PRKRIP1: variants seen among roughly 807,000 people sequenced by gnomAD.
PRKRIP1 encodes PRKR-interacting protein 1.
PRKRIP1 carries 29 observed loss-of-function variants against 29.3 expected under a neutral mutation model. The ratio of observed to expected loss-of-function variants is 0.99; its 90% CI spans 0.74 to 1.35. PRKRIP1 has a LOEUF of 1.35. Among genes scored for constraint, PRKRIP1 ranks in the 40% most tolerant of loss-of-function variants. The probability of loss-of-function intolerance (pLI) is 0.00; values close to 1 mark genes in which losing one functional copy is unlikely to be tolerated. For synonymous variants in PRKRIP1, 90 were observed against 85.1 expected, an observed-to-expected ratio of 1.06 and a Z score of -0.32; for missense variants, 247 against 236.8, an observed-to-expected ratio of 1.04 and a Z score of -0.28.
At chr7:102,405,882 G>A (rs782773615) in intron 4 of PRKRIP1, 6 of 306,556 alleles carry the variant, frequency 2.0e-5, no homozygotes, top group Non-Finnish European at 3.3e-5. Flanking sequence ...TTTCTATAAC[G>A]TAAAAATCCA....
chr7:102,410,417 CAG>C (rs1265483839), intron 5 of PRKRIP1, among the ~76,000 whole-genome samples: 1 of 152,156 alleles, frequency 6.6e-6, no homozygotes, highest in African/African-American at 2.4e-5. Flanking sequence ...AATACTGAGT[CAG>C]AGCAACTAAA....
chr7:102,401,617 C>T (rs1196117763), intron 3 of PRKRIP1, among the ~76,000 whole-genome samples: 7 of 152,218 alleles, frequency 4.6e-5, no homozygotes, highest in African/African-American at 1.7e-4. Context: ...CCTATAATCC[C>T]AGCTACTCGG....
intron 5 of PRKRIP1, among the ~76,000 whole-genome samples, chr7:102,420,998 C>T (rs1796679222): frequency 6.6e-6 from 1 of 152,152 alleles, no homozygotes; most frequent in African/African-American, 2.4e-5. Flanking sequence ...CCCACGATGC[C>T]CCACACGGTG....
At chr7:102,417,620 CTTTTTTTTT>C (rs1276644958) in intron 5 of PRKRIP1, among the ~76,000 whole-genome samples, 1 of 127,408 alleles carries the variant, frequency 7.8e-6, no homozygotes, top group Non-Finnish European at 1.7e-5. Context: ...TTGTGGGTAC[CTTTTTTTTT>C]TTTTTTTTTT....
intron 5 of PRKRIP1, among the ~76,000 whole-genome samples, chr7:102,424,328 C>T (rs1339971651): frequency 2.6e-5 from 4 of 152,370 alleles, no homozygotes; most frequent in East Asian, 3.9e-4. Flanking sequence ...ACCGTGCCTG[C>T]GGCCGGCGTC....
At chr7:102,420,105 C>A (rs1300162142) in intron 5 of PRKRIP1, among the ~76,000 whole-genome samples, 1 of 152,106 alleles carries the variant, frequency 6.6e-6, no homozygotes, top group Non-Finnish European at 1.5e-5. Context: ...AGGCTGGTCT[C>A]GAACTCGTGA....
chr7:102,423,734 G>A (rs782769506), intron 5 of PRKRIP1, among the ~76,000 whole-genome samples: 3 of 150,318 alleles, frequency 2.0e-5, no homozygotes, highest in Non-Finnish European at 3.0e-5. Flanking sequence ...CCAGGCTGCC[G>A]TGCAGTAGCA....
chr7:102,410,389 G>A (rs782617727), intron 5 of PRKRIP1, among the ~76,000 whole-genome samples: 10 of 152,158 alleles, frequency 6.6e-5, no homozygotes, highest in South Asian at 2.1e-4. Context: ...TGCTGTTCAC[G>A]TTGAGTGAGC....
intron 5 of PRKRIP1, 57 bp from the exon 6 acceptor site, chr7:102,424,957 C>A: frequency 1.3e-6 from 2 of 1,551,052 alleles, no homozygotes; most frequent in Non-Finnish European, 8.7e-7. Context: ...TCTTTGAAAG[C>A]ACCCTTGACC....
chr7:102,417,434 C>A (rs1796584314), intron 5 of PRKRIP1, among the ~76,000 whole-genome samples: 1 of 152,038 alleles, frequency 6.6e-6, no homozygotes, highest in South Asian at 2.1e-4. Flanking sequence ...TTTCTTCTTT[C>A]CATGTATTTA....
chr7:102,408,709 T>G (rs533895634), intron 5 of PRKRIP1, among the ~76,000 whole-genome samples: 3 of 152,254 alleles, frequency 2.0e-5, no homozygotes, highest in Non-Finnish European at 4.4e-5. Flanking sequence ...AGACTTTCAT[T>G]GACGTATTAA....
At chr7:102,417,435 C>T (rs1420655933) in intron 5 of PRKRIP1, among the ~76,000 whole-genome samples, 9 of 151,988 alleles carry the variant, frequency 5.9e-5, no homozygotes, top group Admixed American at 5.9e-4. Flanking sequence ...TTCTTCTTTC[C>T]ATGTATTTAT....
At chr7:102,421,716 G>A (rs1347899344) in intron 5 of PRKRIP1, among the ~76,000 whole-genome samples, 1 of 151,884 alleles carries the variant, frequency 6.6e-6, no homozygotes, top group African/African-American at 2.4e-5. Flanking sequence ...AGAATTGCTT[G>A]AACCCAGGAG....
chr7:102,406,419 G>T (rs372150310), intron 4 of PRKRIP1, among the ~76,000 whole-genome samples: 1 of 152,134 alleles, frequency 6.6e-6, no homozygotes, highest in Non-Finnish European at 1.5e-5. Context: ...TTGTTGTTGC[G>T]TAGAGTAAGA....
At chr7:102,419,580 C>G (rs1406209463) in intron 5 of PRKRIP1, among the ~76,000 whole-genome samples, 1 of 152,158 alleles carries the variant, frequency 6.6e-6, no homozygotes, top group Non-Finnish European at 1.5e-5. Context: ...CAACCCCCAG[C>G]CCCTGGCAGC....
intron 5 of PRKRIP1, among the ~76,000 whole-genome samples, chr7:102,416,229 T>C (rs1796533575): frequency 6.6e-6 from 1 of 152,248 alleles, no homozygotes; most frequent in East Asian, 1.9e-4. Context: ...AGCCTCATTT[T>C]AGAATGACTT....
intron 4 of PRKRIP1, among the ~76,000 whole-genome samples, chr7:102,406,107 G>A (rs1796213134): frequency 6.6e-6 from 1 of 152,114 alleles, no homozygotes; most frequent in Non-Finnish European, 1.5e-5. Flanking sequence ...CATTGTCCTG[G>A]GGAAGAATTG....
At chr7:102,415,418 T>C (rs999901115) in intron 5 of PRKRIP1, among the ~76,000 whole-genome samples, 1 of 152,182 alleles carries the variant, frequency 6.6e-6, no homozygotes, top group African/African-American at 2.4e-5. Context: ...GTATTTTTAG[T>C]AGAGATGGGG....
intron 5 of PRKRIP1, among the ~76,000 whole-genome samples, chr7:102,420,694 TAGTGAGATACAGGTTG>T (rs1368132182): frequency 6.6e-6 from 1 of 152,114 alleles, no homozygotes; most frequent in Admixed American, 6.6e-5. Flanking sequence ...TGTTGACTAT[TAGTGAGATACAGGTTG>T]AGCATCCCAA....
Sources: gnomAD v4.1 joint callset for allele counts (sites outside exome capture counted in the v4.1 genomes callset) on GRCh38, gnomAD v4.1.1 for gene constraint, MANE v1.5 for transcripts, NCBI Gene and HGNC (gene_info 2026-07-23, HGNC 2026-07-21) for gene names.